The following CAPRIN1 variants were observed in gnomAD, a reference collection of about 807,000 sequenced individuals.
The protein encoded by CAPRIN1 is caprin-1.
In CAPRIN1, 29 loss-of-function variants were observed where a neutral mutation model predicts 100.9. The ratio of observed to expected loss-of-function variants is 0.29; its 90% CI spans 0.21 to 0.39. The LOEUF is 0.39. Among genes scored for constraint, CAPRIN1 ranks in the 10% least tolerant of loss-of-function variants. CAPRIN1 has a pLI of 1.00. For synonymous variants in CAPRIN1, 338 were observed against 307.5 expected (o/e 1.10, Z -1.04); for missense variants, 795 against 876.7 (o/e 0.91, Z 1.18).
chr11:34,061,616 G>A (rs1003775667), intron 2 of CAPRIN1, among the ~76,000 whole-genome samples: 8 of 151,872 alleles, frequency 5.3e-5, no homozygotes, highest in African/African-American at 7.2e-5. Context: ...TAGAGTGCTC[G>A]TTTCTCAATG....
intron 4 of CAPRIN1, among the ~76,000 whole-genome samples, chr11:34,074,825 A>G (rs1850875280): frequency 6.6e-6 from 1 of 152,224 alleles, no homozygotes; most frequent in South Asian, 2.1e-4. Context: ...CAGTGAGCCA[A>G]GATCGTGCCA....
Position 34,096,675 on chromosome 11 carries a change from TA to T in CAPRIN1, c.1900+9del. ...GGGGCCCTGCCAATGGATTCAGAGG[TA>T]AAAAAATAAAAAAGGAGGTTCTAAT... On this transcript the variant is annotated splice_donor_region_variant and intron_variant, in intron 16 of 18. Transcript: ENST00000341394. The T allele has an allele frequency of 2.5e-6, 4 of 1,574,482 alleles. No homozygotes were observed. The highest frequency in any genetic ancestry group is 3.5e-6 in the Non-Finnish European group (4 of 1,157,120).
chr11:34,065,108 C>T (rs951272082), intron 2 of CAPRIN1, among the ~76,000 whole-genome samples: 3 of 151,666 alleles, frequency 2.0e-5, no homozygotes, highest in East Asian at 1.9e-4. Context: ...TACAGGTCCC[C>T]GCCACCACGC....
chr11:34,098,853 A>G (rs1409898898), intron 18 of CAPRIN1: 1 of 988,136 alleles, frequency 1.0e-6, no homozygotes, highest in African/African-American at 1.7e-5. Context: ...AGTTTAGGTA[A>G]TAAGGTCTGT....
At chr11:34,088,122 C>T (rs1259540853) in intron 11 of CAPRIN1, among the ~76,000 whole-genome samples, 2 of 152,194 alleles carry the variant, frequency 1.3e-5, no homozygotes, top group South Asian at 4.1e-4. Context: ...CCTGCCTCAG[C>T]CTCCCCAGTA....
chr11:34,078,937 G>A (rs754338063), intron 6 of CAPRIN1, among the ~76,000 whole-genome samples: 12 of 152,146 alleles, frequency 7.9e-5, no homozygotes, highest in Non-Finnish European at 1.3e-4. Flanking sequence ...AGTTGTATTT[G>A]ATACCACTTC....
chr11:34,053,187 T>C, intron 2 of CAPRIN1: 2 of 982,880 alleles, frequency 2.0e-6, no homozygotes, highest in South Asian at 9.3e-5. Flanking sequence ...AATCTTAAGG[T>C]AGAACTGCCT....
chr11:34,095,018 G>A (rs1210220643), intron 15 of CAPRIN1, among the ~76,000 whole-genome samples: 1 of 152,038 alleles, frequency 6.6e-6, no homozygotes, highest in African/African-American at 2.4e-5. Flanking sequence ...AAGTAGCTGG[G>A]ACCACAGGCA....
chr11:34,066,812 T>C (rs1850706026), intron 2 of CAPRIN1, among the ~76,000 whole-genome samples: 1 of 148,838 alleles, frequency 6.7e-6, no homozygotes, highest in Non-Finnish European at 1.5e-5. Context: ...TTTTTTTTTT[T>C]CAGTAGAGTT....
chr11:34,083,766 T>C (rs930673780), intron 9 of CAPRIN1, among the ~76,000 whole-genome samples: 1 of 152,156 alleles, frequency 6.6e-6, no homozygotes, highest in African/African-American at 2.4e-5. Flanking sequence ...ATGTTATTCT[T>C]ATATCAAGAC....
intron 4 of CAPRIN1, among the ~76,000 whole-genome samples, chr11:34,073,800 A>G (rs535263495): frequency 2.0e-5 from 3 of 152,304 alleles, no homozygotes; most frequent in Admixed American, 2.0e-4. Flanking sequence ...AAAAAAAGTA[A>G]TTTAATTTTG....
intron 7 of CAPRIN1, among the ~76,000 whole-genome samples, chr11:34,080,067 G>C (rs1850992929): frequency 6.6e-6 from 1 of 151,920 alleles, no homozygotes; most frequent in South Asian, 2.1e-4. Flanking sequence ...GTGACTACAG[G>C]CGCCCGCCAC....
In CAPRIN1 at chr11:34,097,273, C is replaced by T. The variant is rs767579185; in HGVS notation, c.1978C>T (p.Arg660Trp). 1 of 1,612,980 alleles carries T rather than the reference C, an allele frequency of 6.2e-7. No homozygotes were observed. Among genetic ancestry groups the T allele is most frequent in the Non-Finnish European group, 8.5e-7 (1 of 1,178,982 alleles). ...TACACAGTCTCAGTTCAGTGCTCCCCGGGATTACTCTGGCTATCAACGGGT... is the reference window on the plus strand; with the variant it reads ...TACACAGTCTCAGTTCAGTGCTCCCTGGGATTACTCTGGCTATCAACGGGT... The part of the protein sequence containing the change: ...GYTQSQFSAP[R>W]DYSGYQRDGY... Residue 660 changes from arginine (R) to tryptophan (W), a missense_variant, in exon 17 of 19, where the codon CGG becomes TGG. Arg to Trp is a moderately radical substitution (Grantham distance 101, BLOSUM62 -3). Coordinates refer to ENST00000341394, the MANE Select transcript of CAPRIN1 (RefSeq NM_005898.5).
At position 34,065,061 on chromosome 11, in the gene CAPRIN1, AC is replaced by A. The variant is rs1565085126; in HGVS notation, c.217-6663del. On this transcript the variant is annotated intron_variant, in intron 2 of 18. Transcript: ENST00000341394. ...TGCAAGCTCCACCTCCCGGGTTCTC[AC>A]CTTTCTCCTGCCTCAGCCTCCTGAG... is the stretch of plus-strand genomic sequence containing the variant. Among the ~76,000 whole-genome samples the A allele has an allele frequency of 8.0e-5, 11 of 136,886 alleles. 1 individual carries two copies. The South Asian group carries it at 2.5e-3, about 31-fold the overall frequency. 89.8% of individuals were successfully genotyped at this position (136,886 alleles called of 152,430 possible).
intron 15 of CAPRIN1, among the ~76,000 whole-genome samples, chr11:34,092,561 T>C (rs538923500): frequency 1.3e-5 from 2 of 152,308 alleles, no homozygotes; most frequent in Admixed American, 1.3e-4. Flanking sequence ...GGTTTCACCA[T>C]GTTGCCCAGG....
chr11:34,098,842 C>T, intron 18 of CAPRIN1: 3 of 984,760 alleles, frequency 3.0e-6, no homozygotes, highest in Non-Finnish European at 3.6e-6. Flanking sequence ...TTCTTTTTAA[C>T]AGTTTAGGTA....
chr11:34,076,282 G>A lies in CAPRIN1; in HGVS notation c.413G>A (p.Arg138Lys). 1.9e-6 allele frequency: 3 copies of A among 1,614,170 alleles called. No homozygotes were observed. The highest frequency in any genetic ancestry group is 2.5e-6 in the Non-Finnish European group (3 of 1,179,992). ...KKTARREQLM[R>K]EEAEQKRLKT... Reference sequence around the variant, plus strand: ...ACAGCACGTCGGGAGCAGCTTATGAGAGAAGAAGCTGAACAGAAACGTTTA... The same window carrying A: ...ACAGCACGTCGGGAGCAGCTTATGAAAGAAGAAGCTGAACAGAAACGTTTA... Residue 138 changes from arginine (R) to lysine (K), a missense_variant, in exon 5 of 19, where the codon AGA (arginine) becomes AAA (lysine). Physicochemically the swap from Arg to Lys is conservative, Grantham distance 26 (BLOSUM62 2). Transcript: ENST00000341394.
At chr11:34,057,103 T>C (rs939101242) in intron 2 of CAPRIN1, among the ~76,000 whole-genome samples, 2 of 152,252 alleles carry the variant, frequency 1.3e-5, no homozygotes, top group Admixed American at 1.3e-4. Flanking sequence ...AAAACATTCT[T>C]AACTATTTTA....
intron 14 of CAPRIN1, 164 bp from the exon 15 acceptor site, chr11:34,091,742 T>C (rs920577305): frequency 3.2e-6 from 2 of 615,396 alleles, no homozygotes; most frequent in Non-Finnish European, 5.7e-6. Context: ...TTTTTCCACA[T>C]TGAATCACTT....
Sources: gnomAD v4.1 joint callset for allele counts (sites outside exome capture counted in the v4.1 genomes callset) on GRCh38, gnomAD v4.1.1 for gene constraint, MANE v1.5 for transcripts, NCBI Gene and HGNC (gene_info 2026-07-23, HGNC 2026-07-21) for gene names.